The following EYS variants were observed in gnomAD, a reference collection of about 807,000 sequenced individuals.
EYS encodes the protein protein eyes shut homolog.
EYS carries 250 observed loss-of-function variants against 282.1 expected under a neutral mutation model. The ratio of observed to expected loss-of-function variants is 0.89; its 90% CI spans 0.80 to 0.98. The LOEUF is 0.98. EYS is among the 50% of genes least tolerant of loss of function. The probability of loss-of-function intolerance (pLI) is 0.00; values close to 1 mark genes in which losing one functional copy is unlikely to be tolerated. For missense variants in EYS, 4,016 were observed against 3,709.0 expected, an observed-to-expected ratio of 1.08 and a Z score of -2.15; for synonymous variants, 1,355 against 1,282.9, an observed-to-expected ratio of 1.06 and a Z score of -1.20.
At chr6:63,744,084 T>C (rs1769149778) in intron 41 of EYS, 1 of 152,210 alleles carries the variant, frequency 6.6e-6, no homozygotes, top group South Asian at 2.1e-4. Context: ...AATAATGAAC[T>C]ATAAAAATAC....
intron 35 of EYS, among the ~76,000 whole-genome samples, chr6:63,920,221 CT>C (rs1244919261): frequency 2.0e-5 from 3 of 151,978 alleles, no homozygotes; most frequent in Non-Finnish European, 4.4e-5. Flanking sequence ...CCTTTTCCAC[CT>C]GCTCCACAGG....
chr6:64,735,893 C>A (rs1772170616), intron 22 of EYS, among the ~76,000 whole-genome samples: 1 of 151,890 alleles, frequency 6.6e-6, no homozygotes, highest in East Asian at 1.9e-4. Flanking sequence ...CACTGGGAGA[C>A]TGAAAACATA....
At chr6:65,181,407 A>G (rs1450438945) in intron 12 of EYS, among the ~76,000 whole-genome samples, 1 of 152,226 alleles carries the variant, frequency 6.6e-6, no homozygotes, top group Non-Finnish European at 1.5e-5. Flanking sequence ...GGATATGAAC[A>G]GACACTTTTC....
chr6:65,377,451 C>T (rs1406018338), intron 8 of EYS, among the ~76,000 whole-genome samples: 1 of 152,030 alleles, frequency 6.6e-6, no homozygotes, highest in Non-Finnish European at 1.5e-5. Flanking sequence ...ACCCTAACAT[C>T]ACAATTAAAA....
intron 5 of EYS, among the ~76,000 whole-genome samples, chr6:65,415,340 A>C (rs1356502801): frequency 2.6e-5 from 4 of 152,088 alleles, no homozygotes; most frequent in African/African-American, 7.2e-5. Context: ...TTTAACCAAG[A>C]GTCCCACATG....
chr6:65,122,589 T>C (rs1221822983), intron 12 of EYS, among the ~76,000 whole-genome samples: 1 of 152,130 alleles, frequency 6.6e-6, no homozygotes, highest in Non-Finnish European at 1.5e-5. Context: ...ATGTTTAACA[T>C]AGGAAATTAT....
At chr6:63,767,400 G>A (rs539223688) in intron 40 of EYS, among the ~76,000 whole-genome samples, 2 of 152,074 alleles carry the variant, frequency 1.3e-5, no homozygotes, top group South Asian at 2.1e-4. Flanking sequence ...ATATAAAATC[G>A]CTGTACAAAA....
chr6:63,891,356 A>T (rs1327408000), intron 35 of EYS, among the ~76,000 whole-genome samples: 1 of 152,182 alleles, frequency 6.6e-6, no homozygotes, highest in Admixed American at 6.5e-5. Flanking sequence ...TAGCAAACTA[A>T]ATCCAGCAGC....
intron 26 of EYS, among the ~76,000 whole-genome samples, chr6:64,517,455 GT>G (rs1187437390): frequency 6.6e-6 from 1 of 151,844 alleles, no homozygotes; most frequent in African/African-American, 2.4e-5. Context: ...ATAAAAAATG[GT>G]TTGGCAGTAA....
At chr6:64,655,096 T>G (rs1768700545) in intron 22 of EYS, among the ~76,000 whole-genome samples, 2 of 152,186 alleles carry the variant, frequency 1.3e-5, no homozygotes, top group Admixed American at 1.3e-4. Context: ...ATCATTCATG[T>G]AATCATTGCT....
At chr6:64,194,755 A>G (rs1423102038) in intron 31 of EYS, among the ~76,000 whole-genome samples, 1 of 152,086 alleles carries the variant, frequency 6.6e-6, no homozygotes, top group Non-Finnish European at 1.5e-5. Context: ...TATATTGCTT[A>G]TTAATTTTAC....
chr6:65,212,644 T>C (rs1302911188), intron 12 of EYS, among the ~76,000 whole-genome samples: 2 of 152,128 alleles, frequency 1.3e-5, no homozygotes, highest in African/African-American at 4.8e-5. Flanking sequence ...AATACAGATA[T>C]AGAACACATT....
chr6:65,471,105 C>G (rs1370751846), intron 5 of EYS, among the ~76,000 whole-genome samples: 1 of 151,844 alleles, frequency 6.6e-6, no homozygotes, highest in African/African-American at 2.4e-5. Flanking sequence ...CCACTGCACT[C>G]CAGCCTGGGT....
At chr6:63,857,146 A>G (rs543029594) in intron 36 of EYS, among the ~76,000 whole-genome samples, 1 of 152,178 alleles carries the variant, frequency 6.6e-6, no homozygotes, top group African/African-American at 2.4e-5. Context: ...CCATCTTAGC[A>G]TGTATCTTTA....
intron 13 of EYS, among the ~76,000 whole-genome samples, chr6:65,032,065 AAAAC>A (rs771849245): frequency 2.6e-5 from 4 of 152,164 alleles, no homozygotes; most frequent in Admixed American, 1.3e-4. Flanking sequence ...GATAAAAACA[AAAAC>A]AAACAAACAA....
intron 7 of EYS, among the ~76,000 whole-genome samples, chr6:65,400,063 G>A (rs912863185): frequency 1.3e-5 from 2 of 151,964 alleles, no homozygotes; most frequent in Non-Finnish European, 2.9e-5. Context: ...ACATGCAAAA[G>A]TGCCAAATAT....
At chr6:65,164,189 T>A (rs1401612195) in intron 12 of EYS, among the ~76,000 whole-genome samples, 1 of 151,420 alleles carries the variant, frequency 6.6e-6, no homozygotes, top group African/African-American at 2.4e-5. Flanking sequence ...AAGACTACAA[T>A]CATTTAAATA....
At chr6:65,286,775 A>T (rs1180038703) in intron 12 of EYS, among the ~76,000 whole-genome samples, 1 of 151,652 alleles carries the variant, frequency 6.6e-6, no homozygotes, top group African/African-American at 2.4e-5. Flanking sequence ...CACACTTTAA[A>T]ATTATCTGTG....
At chr6:63,936,656 C>G (rs759719641) in intron 35 of EYS, among the ~76,000 whole-genome samples, 6 of 152,230 alleles carry the variant, frequency 3.9e-5, no homozygotes, top group Admixed American at 6.5e-5. Flanking sequence ...GTTTATCCAT[C>G]TAACTGGGAG....
Sources: allele counts gnomAD v4.1 joint callset (sites outside exome capture counted in the v4.1 genomes callset), GRCh38; gene constraint gnomAD v4.1.1; transcripts MANE v1.5; gene names NCBI Gene and HGNC (gene_info 2026-07-23, HGNC 2026-07-21).